Variants in CDIN1 observed in about 807,000 individuals in gnomAD.
CDIN1 encodes the protein CDAN1-interacting nuclease 1.
A neutral mutation model predicts 45.3 loss-of-function variants in CDIN1; 33 were observed. The ratio of observed to expected loss-of-function variants is 0.73; its 90% CI spans 0.55 to 0.97. The LOEUF is 0.97. Among genes scored for constraint, CDIN1 ranks in the 50% least tolerant of loss-of-function variants. CDIN1 has a pLI of 0.00. For synonymous variants in CDIN1, 118 were observed against 124.4 expected (o/e 0.95, Z 0.34); for missense variants, 303 against 339.4 (o/e 0.89, Z 0.84).
chr15:36,587,970 G>C (rs921176305), intron 1 of CDIN1, among the ~76,000 whole-genome samples: 2 of 152,080 alleles, frequency 1.3e-5, no homozygotes, highest in Non-Finnish European at 2.9e-5. Context: ...AGAGCTCTCC[G>C]TAAGTTTTTA....
intron 5 of CDIN1, among the ~76,000 whole-genome samples, chr15:36,671,654 A>T (rs1487396566): frequency 6.6e-6 from 1 of 152,092 alleles, no homozygotes; most frequent in Non-Finnish European, 1.5e-5. Context: ...CAAACATATT[A>T]TCCAGTTTCT....
intron 5 of CDIN1, among the ~76,000 whole-genome samples, chr15:36,678,476 G>A (rs2041728573): frequency 6.6e-6 from 1 of 152,198 alleles, no homozygotes; most frequent in South Asian, 2.1e-4. Flanking sequence ...TACCTTGGGA[G>A]TATTGCCAGC....
At chr15:36,673,735 T>A (rs950402070) in intron 5 of CDIN1, among the ~76,000 whole-genome samples, 1 of 151,706 alleles carries the variant, frequency 6.6e-6, no homozygotes, top group Non-Finnish European at 1.5e-5. Context: ...AAAAAAAAAA[T>A]TTGGCAGGGT....
chr15:36,806,043 A>T (rs989204593), intron 10 of CDIN1, among the ~76,000 whole-genome samples: 1 of 152,254 alleles, frequency 6.6e-6, no homozygotes, highest in Non-Finnish European at 1.5e-5. Flanking sequence ...TCCATAAGAA[A>T]CACAAAACTT....
intron 10 of CDIN1, among the ~76,000 whole-genome samples, chr15:36,716,123 T>C (rs942418896): frequency 6.6e-6 from 1 of 152,166 alleles, no homozygotes; most frequent in African/African-American, 2.4e-5. Context: ...CAATGAATTA[T>C]AGTTTCTCTG....
At chr15:36,685,888 A>G (rs1338446199) in intron 5 of CDIN1, among the ~76,000 whole-genome samples, 1 of 152,100 alleles carries the variant, frequency 6.6e-6, no homozygotes, top group African/African-American at 2.4e-5. Flanking sequence ...TAGAATGGCA[A>G]TCATTAAAAA....
Position 36,675,041 on chromosome 15 carries a change from A to C in CDIN1, c.347-16644A>C, listed in dbSNP as rs565777655. ...ACCCTTTTTCCCCTCATAACGAAGA[A>C]AGAAGTTCGTGAGGCCACTGAAATA... On this transcript the variant is annotated intron_variant, in intron 5 of 10. Coordinates refer to ENST00000566621, the MANE Select transcript of CDIN1 (RefSeq NM_001321759.2). Among the ~76,000 whole-genome samples, 7 of 152,204 alleles carry C rather than the reference A, an allele frequency of 4.6e-5. No individual in the cohort carries two copies. The South Asian group carries it at 1.4e-3, about 32-fold the overall frequency.
chr15:36,650,277 A>C (rs1009434794), intron 3 of CDIN1, among the ~76,000 whole-genome samples: 1 of 152,226 alleles, frequency 6.6e-6, no homozygotes, highest in African/African-American at 2.4e-5. Flanking sequence ...TTTAGAAATA[A>C]AATGGCGTTA....
chr15:36,692,034 G>GGGCCCCCC, intron 6 of CDIN1, 92 bp from the exon 7 acceptor site: 1 of 1,013,928 alleles, frequency 9.9e-7, no homozygotes, highest in Non-Finnish European at 1.4e-6. Context: ...GGGGGTGGGG[G>GGGCCCCCC]AAGAAAAGTA....
intron 10 of CDIN1, among the ~76,000 whole-genome samples, chr15:36,777,612 GTTTCTA>G (rs1400778338): frequency 6.6e-6 from 1 of 152,030 alleles, no homozygotes; most frequent in African/African-American, 2.4e-5. Context: ...GCATCTCAAG[GTTTCTA>G]TTTATATTTT....
chr15:36,650,402 TTTTATTTATTTATTTA>T (rs138686194), intron 3 of CDIN1, among the ~76,000 whole-genome samples: 687 of 142,748 alleles, frequency 4.8e-3, no homozygotes, highest in East Asian at 0.016. Flanking sequence ...TTGAGAAAAT[TTTTATTTATTTATTTA>T]TTTATTTATT....
chr15:36,740,600 T>A (rs1490184394), intron 10 of CDIN1, among the ~76,000 whole-genome samples: 2 of 152,060 alleles, frequency 1.3e-5, no homozygotes, highest in African/African-American at 4.8e-5. Flanking sequence ...ATATCAAAAT[T>A]TTTATGGGCT....
At chr15:36,606,036 T>G (rs942226577) in intron 1 of CDIN1, among the ~76,000 whole-genome samples, 1 of 152,004 alleles carries the variant, frequency 6.6e-6, no homozygotes, top group Non-Finnish European at 1.5e-5. Context: ...TTTTTTTTTG[T>G]TTTTTGTTTT....
At position 36,810,080 on chromosome 15, in the gene CDIN1, A is replaced by G. The variant is rs2055349023; in HGVS notation, c.*1627A>G. On this transcript the variant is annotated 3_prime_UTR_variant, in exon 11 of 11. Coordinates refer to ENST00000566621, the MANE Select transcript of CDIN1 (RefSeq NM_001321759.2). ...ACACACTTTATACAAAAATGTTAAA[A>G]GCAGGTTTCCTGGCATGTTCTAAAC... 1 of 152,106 alleles carries G rather than the reference A, an allele frequency of 6.6e-6. No homozygotes were observed. Among genetic ancestry groups the G allele is most frequent in the South Asian group, 2.1e-4 (1 of 4,826 alleles). The allele number at this position is 152,106 out of a possible 1,614,324, so 9.4% of individuals were successfully genotyped here. A position where few individuals can be genotyped will look rare whatever the true frequency, so the allele number is the denominator to read the frequency against.
intron 10 of CDIN1, among the ~76,000 whole-genome samples, chr15:36,754,902 T>C (rs1231337296): frequency 6.6e-6 from 1 of 152,100 alleles, no homozygotes; most frequent in African/African-American, 2.4e-5. Flanking sequence ...CTTTGATTTT[T>C]CTACCAAAAA....
chr15:36,677,636 A>G (rs1258793645), intron 5 of CDIN1, among the ~76,000 whole-genome samples: 1 of 152,172 alleles, frequency 6.6e-6, no homozygotes, highest in Non-Finnish European at 1.5e-5. Flanking sequence ...ACAAAGTGAC[A>G]TTTAATCAAG....
chr15:36,711,344 T>G (rs912570113), intron 10 of CDIN1, among the ~76,000 whole-genome samples: 5 of 152,160 alleles, frequency 3.3e-5, no homozygotes, highest in African/African-American at 1.2e-4. Flanking sequence ...AAGGAAAAAT[T>G]ACAAACCAAA....
intron 10 of CDIN1, among the ~76,000 whole-genome samples, chr15:36,735,906 G>A (rs761585127): frequency 6.6e-6 from 1 of 152,146 alleles, no homozygotes; most frequent in African/African-American, 2.4e-5. Context: ...GTCCACAGCT[G>A]CAGAACAGAA....
chr15:36,777,926 G>A (rs1185788959), intron 10 of CDIN1, among the ~76,000 whole-genome samples: 1 of 152,152 alleles, frequency 6.6e-6, no homozygotes, highest in Non-Finnish European at 1.5e-5. Context: ...AGTCTTCAAA[G>A]GCAATTGGAA....
Sources: allele counts gnomAD v4.1 joint callset (sites outside exome capture counted in the v4.1 genomes callset), GRCh38; gene constraint gnomAD v4.1.1; transcripts MANE v1.5; gene names NCBI Gene and HGNC (gene_info 2026-07-23, HGNC 2026-07-21).